The following UBR4 variants were observed in gnomAD, a reference collection of about 807,000 sequenced individuals.
UBR4 encodes the protein E3 ubiquitin-protein ligase UBR4.
UBR4 carries 124 observed loss-of-function variants against 575.6 expected under a neutral mutation model. The ratio of observed to expected loss-of-function variants is 0.22; its 90% CI spans 0.19 to 0.25. The LOEUF (loss-of-function observed/expected upper bound fraction) is 0.25. Among genes scored for constraint, UBR4 ranks in the 10% least tolerant of loss-of-function variants. UBR4 has a pLI of 1.00. For missense variants in UBR4, 4,818 were observed against 6,478.8 expected (o/e 0.74, Z 8.80); for synonymous variants, 2,455 against 2,473.7 (o/e 0.99, Z 0.22).
chr1:19,167,289 G>T, intron 28 of UBR4, 58 bp from the exon 29 acceptor site: 2 of 1,586,708 alleles, frequency 1.3e-6, no homozygotes, highest in Non-Finnish European at 1.7e-6. Flanking sequence ...AAGCTGCAAA[G>T]CAAGGACAGG....
chr1:19,100,042 G>T lies in UBR4; in HGVS notation c.13221+334C>A. The stretch of plus-strand genomic sequence containing the variant: ...CATAAACCTGCACAGGGGGTAAAAC[G>T]CCAATATTTAGGGGGCTCAGGTAAC... On this transcript the variant is annotated intron_variant, in intron 89 of 105. Coordinates refer to ENST00000375254, the MANE Select transcript of UBR4 (RefSeq NM_020765.3). The surrounding 1 kb of genome is among the most constrained non-coding windows in gnomAD (Gnocchi z 4.2). 2.4e-6 allele frequency: 1 copy of T among 421,442 alleles called. No homozygotes were observed. Among genetic ancestry groups the T allele is most frequent in the Non-Finnish European group, 4.3e-6 (1 of 235,282 alleles). 26.1% of individuals were successfully genotyped at this position (421,442 alleles called of 1,614,324 possible).
rs759941511 is a variant in UBR4 at position 19,173,064 on chromosome 1, G to A, written c.3321C>T (p.Thr1107=). 1 of 1,614,186 alleles carries A rather than the reference G, an allele frequency of 6.2e-7. No homozygotes were observed. Among genetic ancestry groups the A allele is most frequent in the East Asian group, 2.2e-5 (1 of 44,892 alleles). Reference sequence around the variant, plus strand: ...GAATTTCATGCAGCTGCAAGATGGTGGTACAGTCGATACTACAGAAGGATG... The same window carrying A: ...GAATTTCATGCAGCTGCAAGATGGTAGTACAGTCGATACTACAGAAGGATG... ...QISSFCSIDC[T]TILQLHEIPS... Residue 1107 remains threonine, a synonymous_variant, in exon 25 of 106, where the codon ACC becomes ACT. Transcript: ENST00000375254.
In UBR4 at chr1:19,095,601, G is replaced by T; in HGVS notation, c.13570C>A (p.Gln4524Lys). ...GTGTTCATTTCCAGTTTGACCAGTT[G>T]CTGCCGGTTGACTTTCACCTTCACG... ...YCVKVKVNRQ[Q>K]LVKLEMNTLN... The change falls in exon 93 of 106, where the codon CAA becomes AAA. Residue 4524 changes from glutamine to lysine, a missense_variant. By Grantham distance (53) the Gln-to-Lys change is moderately conservative. Transcript: ENST00000375254. The T allele has an allele frequency of 1.9e-6, 3 of 1,614,126 alleles. No individual in the cohort carries two copies. Among genetic ancestry groups the T allele is most frequent in the Non-Finnish European group, 2.5e-6 (3 of 1,180,002 alleles).
chr1:19,190,325 A>G (rs1032081211), intron 11 of UBR4, among the ~76,000 whole-genome samples: 2 of 137,656 alleles, frequency 1.5e-5, no homozygotes, highest in Non-Finnish European at 3.1e-5. Flanking sequence ...ATATATATAT[A>G]TATATTTGTA....
Position 19,197,987 on chromosome 1 carries a change from A to G in UBR4, c.711T>C (p.Asn237=). 1.2e-6 allele frequency: 2 copies of G among 1,614,150 alleles called. No individual in the cohort carries two copies. Among genetic ancestry groups the G allele is most frequent in the Non-Finnish European group, 8.5e-7 (1 of 1,180,024 alleles). Residue 237 remains asparagine, a synonymous_variant, in exon 6 of 106, where the codon AAT becomes AAC. Transcript: ENST00000375254. ...TAGCCACGTTCTGAGCTATGAACACATTCTTGGTTTTGATAGCTGAGGCTT... is the reference window on the plus strand; with the variant it reads ...TAGCCACGTTCTGAGCTATGAACACGTTCTTGGTTTTGATAGCTGAGGCTT... The part of the protein sequence containing the change: ...TDQASAIKTK[N]VFIAQNVASL...
chr1:19,108,166 T>C (rs1157131346), intron 81 of UBR4, among the ~76,000 whole-genome samples: 1 of 152,226 alleles, frequency 6.6e-6, no homozygotes, highest in Non-Finnish European at 1.5e-5. Context: ...TCTGAAAGAT[T>C]AGCTGTAGTA....
chr1:19,074,982 G>T, intron 105 of UBR4, 86 bp from the exon 106 acceptor site: 2 of 1,428,278 alleles, frequency 1.4e-6, no homozygotes, highest in Non-Finnish European at 2.0e-6. Flanking sequence ...ATCTAGCAGA[G>T]AACACACTGC....
At chr1:19,095,093 C>T (rs1164873554) in intron 93 of UBR4, 68 bp from the exon 94 acceptor site, 6 of 1,609,806 alleles carry the variant, frequency 3.7e-6, no homozygotes, top group Middle Eastern at 1.7e-4. Flanking sequence ...AGGACAATTG[C>T]TCTCAAGGAT....
Position 19,084,612 on chromosome 1 carries a change from C to T in UBR4, c.14900G>A (p.Arg4967His), listed in dbSNP as rs1452153794. The change falls in exon 102 of 106, where the codon CGC becomes CAC. Residue 4967 changes from arginine (R) to histidine (H), a missense_variant. Transcript: ENST00000375254. ...NIHDIKLLFL[R>H]FAMEQSFSAD... Reference sequence around the variant, plus strand: ...GCTGAACGACTGCTCCATGGCGAAGCGCAGGAAGAGCAGTTTGATGTCATG... The same window carrying T: ...GCTGAACGACTGCTCCATGGCGAAGTGCAGGAAGAGCAGTTTGATGTCATG... The T allele has an allele frequency of 3.1e-6, 5 of 1,614,016 alleles. No individual in the cohort carries two copies. Among genetic ancestry groups the T allele is most frequent in the South Asian group, 2.2e-5 (2 of 91,082 alleles).
At chr1:19,142,169 T>C (rs1010247803) in intron 55 of UBR4, among the ~76,000 whole-genome samples, 5 of 152,244 alleles carry the variant, frequency 3.3e-5, no homozygotes, top group African/African-American at 1.2e-4. Context: ...TTGTCTGTCA[T>C]GGCAGATTAG....
At chr1:19,170,916 A>T in intron 25 of UBR4, 33 bp from the exon 26 acceptor site, 1 of 1,613,984 alleles carries the variant, frequency 6.2e-7, no homozygotes, top group Non-Finnish European at 8.5e-7. Flanking sequence ...GTGAAGCCAT[A>T]AGATTCTAAT....
Position 19,151,687 on chromosome 1 carries a change from G to A in UBR4, c.7169C>T (p.Thr2390Ile), listed in dbSNP as rs770107978. The change falls in exon 48 of 106, where the codon ACC becomes ATC. Residue 2390 changes from threonine (T) to isoleucine (I), a missense_variant. Coordinates refer to ENST00000375254, the MANE Select transcript of UBR4 (RefSeq NM_020765.3). ...SRSRWFDFPF[T>I]REEALQADKK... ...ATCAGCCTGCAGGGCTTCTTCTCTG[G>A]TGAAGGGGAAGTCAAACCAGCGTGA... 6.2e-7 allele frequency: 1 copy of A among 1,614,164 alleles called. No homozygotes were observed. The highest frequency in any genetic ancestry group is 1.1e-5 in the South Asian group (1 of 91,080).
Position 19,081,400 on chromosome 1 carries a change from C to A in UBR4, c.15182G>T (p.Arg5061Met), listed in dbSNP as rs1297878324. 1.2e-6 allele frequency: 2 copies of A among 1,613,528 alleles called. No homozygotes were observed. The highest frequency in any genetic ancestry group is 2.7e-5 in the African/African-American group (2 of 74,910). ...WRATRVEILR[R>M]LLVTSQARAV... ...CCGAGCCTGCGAGGTCACCAACAGC[C>A]TCCGCAAGATTTCCACACGTGTGGC... Residue 5061 changes from arginine (R) to methionine (M), a missense_variant, in exon 103 of 106, where the codon AGG (arginine) becomes ATG (methionine). Around this residue, in one of 29 missense-constraint regions of UBR4, gnomAD observed 212 missense variants for 221.3 expected, o/e 0.96. Coordinates refer to ENST00000375254, the MANE Select transcript of UBR4 (RefSeq NM_020765.3).
Position 19,101,398 on chromosome 1 carries a change from T to C in UBR4, c.13023+122A>G, listed in dbSNP as rs369296055. ...TTTATGGCGGTGGATCTTCTTTCAC[T>C]AATGACTAAGTGGCCCACAGCTGGT... is the stretch of plus-strand genomic sequence containing the variant. On this transcript the variant is annotated intron_variant, in intron 88 of 105. Transcript: ENST00000375254. The C allele has an allele frequency of 3.5e-5, 46 of 1,327,560 alleles. No individual in the cohort carries two copies. In the South Asian group the frequency reaches 8.5e-4, roughly 24 times the overall value. 82.2% of individuals were successfully genotyped at this position (1,327,560 alleles called of 1,614,324 possible).
rs768507475 is a variant in UBR4 at position 19,126,626 on chromosome 1, T to A, written c.9258A>T (p.Ala3086=). Residue 3086 remains alanine (A), a synonymous_variant, in exon 64 of 106, where the codon GCA becomes GCT. Transcript: ENST00000375254. ...ESSSLISSAT[A]AALLSSGAVD... ...CAGCCCCAGAGCTCAGTAGAGCTGC[T>A]GCTGTGGCACTGGAGATGAGGGAAG... 6.2e-7 allele frequency: 1 copy of A among 1,613,818 alleles called. No homozygotes were observed. Among genetic ancestry groups the A allele is most frequent in the Non-Finnish European group, 8.5e-7 (1 of 1,179,998 alleles).
rs59840523 is a variant in UBR4, at chr1:19,104,154, C to G, written c.12831G>C (p.Val4277=). ...LNGYLCLRKL[V]VQRTKLIDET... is the part of the protein sequence containing the mutation. ...CATCGATCAGCTTGGTCCTCTGCAC[C>G]ACCAGCTTCCGCAAGCACAGGTATC... The change falls in exon 87 of 106, where the codon GTG becomes GTC. Residue 4277 remains valine (V), a synonymous_variant. Transcript: ENST00000375254. The G allele has an allele frequency of 6.4e-4, 1,040 of 1,614,228 alleles. 7 individuals carry two copies. In the African/African-American group the frequency reaches 0.013, roughly 20 times the overall value.
At chr1:19,095,697 G>A (rs34627121) in intron 92 of UBR4, 45 bp from the exon 93 acceptor site, 25,562 of 1,574,808 alleles carry the variant, frequency 0.016, 263 homozygotes, top group Middle Eastern at 0.023. Context: ...ACATGAGAGT[G>A]TAGGACATGG....
intron 8 of UBR4, among the ~76,000 whole-genome samples, chr1:19,194,493 A>T (rs1246632053): frequency 2.6e-5 from 4 of 152,244 alleles, no homozygotes; most frequent in African/African-American, 7.2e-5. Context: ...GTCTCTTTTT[A>T]AAAAAGTAAT....
chr1:19,202,863 G>A (rs1026020423), intron 1 of UBR4, among the ~76,000 whole-genome samples: 6 of 152,146 alleles, frequency 3.9e-5, no homozygotes, highest in African/African-American at 1.4e-4. Context: ...CACGCAGGTG[G>A]ATGACGAGAT....
Sources: allele counts gnomAD v4.1 joint callset (sites outside exome capture counted in the v4.1 genomes callset), GRCh38; gene constraint gnomAD v4.1.1; regional missense constraint gnomAD v4.1.1; non-coding constraint Gnocchi (gnomAD v3.1); transcripts MANE v1.5; gene names NCBI Gene and HGNC (gene_info 2026-07-23, HGNC 2026-07-21).